ARL13B: variants seen among roughly 807,000 people sequenced by gnomAD.
The protein encoded by ARL13B is ARF like GTPase 13B.
A neutral mutation model predicts 56.1 loss-of-function variants in ARL13B; 36 were observed. The observed-to-expected ratio is 0.64, with a 90% CI of 0.49 to 0.85. The LOEUF is 0.85. ARL13B is among the 40% of genes least tolerant of loss of function. ARL13B has a pLI of 0.00. For missense variants in ARL13B, 519 were observed against 507.1 expected (o/e 1.02, Z -0.23); for synonymous variants, 178 against 171.1 (o/e 1.04, Z -0.32).
chr3:93,996,795 C>G (rs2075975094), intron 2 of ARL13B: 1 of 176,568 alleles, frequency 5.7e-6, no homozygotes, highest in African/African-American at 2.4e-5. Context: ...GTCCCCAACC[C>G]CGGGGCCGTG....
chr3:94,017,774 C>T (rs1346648136), intron 3 of ARL13B, among the ~76,000 whole-genome samples: 3 of 151,780 alleles, frequency 2.0e-5, no homozygotes, highest in Admixed American at 2.0e-4. Context: ...GATGAAGAGC[C>T]GAGGGAGTGT....
chr3:93,989,397 A>G (rs1277720354), intron 1 of ARL13B, among the ~76,000 whole-genome samples: 1 of 152,200 alleles, frequency 6.6e-6, no homozygotes, highest in African/African-American at 2.4e-5. Flanking sequence ...AGGAGCCTGT[A>G]TAAAAAGTAG....
intron 2 of ARL13B, among the ~76,000 whole-genome samples, chr3:93,999,518 A>G (rs546789775): frequency 6.6e-6 from 1 of 152,338 alleles, no homozygotes; most frequent in East Asian, 1.9e-4. Flanking sequence ...CATGCAAGGC[A>G]TAATAATTTC....
chr3:94,011,592 G>A (rs2076225313), intron 3 of ARL13B, among the ~76,000 whole-genome samples: 1 of 152,130 alleles, frequency 6.6e-6, no homozygotes, highest in South Asian at 2.1e-4. Flanking sequence ...TAGTATGGAA[G>A]AAGGGTTTCT....
intron 3 of ARL13B, among the ~76,000 whole-genome samples, chr3:94,006,337 G>A (rs1017014500): frequency 6.6e-6 from 1 of 151,254 alleles, no homozygotes; most frequent in African/African-American, 2.4e-5. Context: ...TCTTTTTTTT[G>A]ATATGTTTAT....
At chr3:94,028,756 T>C (rs1027558182) in intron 3 of ARL13B, 2 of 152,196 alleles carry the variant, frequency 1.3e-5, no homozygotes, top group Admixed American at 6.5e-5. Flanking sequence ...TAGTCCTACA[T>C]TGTATATGTA....
intron 8 of ARL13B, 53 bp downstream of exon 8, chr3:94,049,575 A>G: frequency 8.2e-7 from 1 of 1,219,380 alleles, no homozygotes; most frequent in Non-Finnish European, 1.2e-6. Context: ...TAAACAACAG[A>G]GAAAAAAAAA....
chr3:94,002,258 A>T (rs1295541809), intron 2 of ARL13B, among the ~76,000 whole-genome samples: 1 of 151,576 alleles, frequency 6.6e-6, no homozygotes, highest in Non-Finnish European at 1.5e-5. Flanking sequence ...TTTTTTTTTT[A>T]AACTCTAGAT....
chr3:93,993,796 A>G (rs1394419443), intron 1 of ARL13B, among the ~76,000 whole-genome samples: 1 of 152,154 alleles, frequency 6.6e-6, no homozygotes, highest in Non-Finnish European at 1.5e-5. Flanking sequence ...CATATTTTTC[A>G]TAGTTGATAA....
chr3:94,009,074 AAGATAGAT>A (rs58584662), intron 3 of ARL13B, among the ~76,000 whole-genome samples: 11,860 of 143,922 alleles, frequency 0.082, 606 homozygotes, highest in Admixed American at 0.13. Context: ...AGGAGCAGTA[AAGATAGAT>A]AGATAGATAG....
At chr3:94,045,967 AG>A (rs374717912) in intron 7 of ARL13B, among the ~76,000 whole-genome samples, 4 of 146,080 alleles carry the variant, frequency 2.7e-5, no homozygotes, top group Non-Finnish European at 3.0e-5. Context: ...AAAAAAAAAA[AG>A]AAAAAAAAAA....
At chr3:94,032,797 G>T (rs2076700125) in intron 3 of ARL13B, among the ~76,000 whole-genome samples, 1 of 152,194 alleles carries the variant, frequency 6.6e-6, no homozygotes, top group African/African-American at 2.4e-5. Context: ...TGCCCGGCCA[G>T]TATGGAGATT....
At chr3:94,037,206 A>G (rs2076784024) in intron 5 of ARL13B, among the ~76,000 whole-genome samples, 1 of 152,212 alleles carries the variant, frequency 6.6e-6, no homozygotes. Context: ...ACAAAGAATT[A>G]TCAGGCTTAA....
intron 2 of ARL13B, among the ~76,000 whole-genome samples, chr3:93,998,318 A>T (rs1435356772): frequency 1.3e-5 from 2 of 152,118 alleles, no homozygotes; most frequent in African/African-American, 4.8e-5. Flanking sequence ...TACTTAGAAC[A>T]TCCTCTTTCC....
chr3:94,047,192 T>G (rs1198953759), intron 7 of ARL13B, among the ~76,000 whole-genome samples: 3 of 152,184 alleles, frequency 2.0e-5, no homozygotes, highest in African/African-American at 7.2e-5. Flanking sequence ...TATAAGAAAT[T>G]TTTATAGTAT....
chr3:93,980,167 C>A lies in ARL13B; in HGVS notation c.-257C>A. ...ACGTCGACGCGGGGCTTTTCTTTAG[C>A]CGGGTCCCGCTAACTCGGCTACGGT... On this transcript the variant is annotated 5_prime_UTR_variant, in exon 1 of 10. Transcript: ENST00000394222. 1.6e-6 allele frequency: 1 copy of A among 642,878 alleles called. No individual in the cohort carries two copies. The highest frequency in any genetic ancestry group is 2.8e-6 in the Non-Finnish European group (1 of 352,370). The allele number at this position is 642,878 out of a possible 1,614,324, so 39.8% of individuals were successfully genotyped here.
intron 3 of ARL13B, among the ~76,000 whole-genome samples, chr3:94,011,312 A>G (rs2076220921): frequency 6.6e-6 from 1 of 152,134 alleles, no homozygotes; most frequent in South Asian, 2.1e-4. Context: ...TAGATTAGTA[A>G]TACGTGACTG....
Position 94,053,520 on chromosome 3 carries a change from C to G in ARL13B, c.*257C>G, listed in dbSNP as rs1445399990. The G allele has an allele frequency of 1.7e-6, 1 of 601,050 alleles. No homozygotes were observed. The highest frequency in any genetic ancestry group is 3.1e-6 in the Non-Finnish European group (1 of 322,430). The allele number at this position is 601,050 out of a possible 1,614,324, so 37.2% of individuals were successfully genotyped here. ...AAATTAGCAAGATTTACTGTTGACT[C>G]TGGTTTATACATCCCCACTCATGAG... On this transcript the variant is annotated 3_prime_UTR_variant, in exon 10 of 10. Coordinates refer to ENST00000394222, the MANE Select transcript of ARL13B (RefSeq NM_001174150.2).
At chr3:94,023,450 G>T (rs890357674) in intron 3 of ARL13B, among the ~76,000 whole-genome samples, 11 of 150,106 alleles carry the variant, frequency 7.3e-5, no homozygotes, top group Non-Finnish European at 1.6e-4. Context: ...ACATATAGTT[G>T]GTCTTTTCAA....
Sources: gnomAD v4.1 joint callset for allele counts (sites outside exome capture counted in the v4.1 genomes callset) on GRCh38, gnomAD v4.1.1 for gene constraint, MANE v1.5 for transcripts, NCBI Gene and HGNC (gene_info 2026-07-23, HGNC 2026-07-21) for gene names.